WNK2: variants seen among roughly 807,000 people sequenced by gnomAD.
The protein encoded by WNK2 is serine/threonine-protein kinase WNK2.
Under a neutral mutation model 192.1 loss-of-function variants are expected in WNK2, and 67 were observed. The ratio of observed to expected loss-of-function variants is 0.35; its 90% CI spans 0.29 to 0.43. WNK2 has a LOEUF of 0.43. WNK2 is among the 20% of genes least tolerant of loss of function. The pLI, the probability that WNK2 is intolerant of heterozygous loss-of-function variation, is 1.00. For synonymous variants in WNK2, 1,439 were observed against 1,393.9 expected, an observed-to-expected ratio of 1.03 and a Z score of -0.72; for missense variants, 2,698 against 3,089.7, an observed-to-expected ratio of 0.87 and a Z score of 3.01.
At chr9:93,291,901 C>T (rs2133864539) in intron 21 of WNK2, among the ~76,000 whole-genome samples, 1 of 152,296 alleles carries the variant, frequency 6.6e-6, no homozygotes, top group African/African-American at 2.4e-5. Context: ...GTTTTTGAGA[C>T]ACCGTGGGAG....
In WNK2 at chr9:93,293,520, A is replaced by G. The variant is rs550712889; in HGVS notation, c.5708+347A>G. ...TTTTTAGTAGAGACGGGGTTTCACC[A>G]TGTTGGCCAGGCTGGTCTCAAACTC... On this transcript the variant is annotated intron_variant, in intron 23 of 29. Transcript: ENST00000427277. 7.2e-5 allele frequency among the ~76,000 whole-genome samples: 11 copies of G among 152,088 alleles called. No homozygotes were observed. In the South Asian group the frequency reaches 1.9e-3, roughly 26 times the overall value.
chr9:93,230,510 C>G (rs1384881644), intron 3 of WNK2, among the ~76,000 whole-genome samples: 2 of 152,182 alleles, frequency 1.3e-5, no homozygotes, highest in Non-Finnish European at 2.9e-5. Context: ...TCTCACAGGC[C>G]CTGGCCTTTC....
chr9:93,245,902 C>G (rs1281498689), intron 7 of WNK2, among the ~76,000 whole-genome samples: 1 of 152,192 alleles, frequency 6.6e-6, no homozygotes. Flanking sequence ...AGTTCCCTGC[C>G]AGGAGGGCCT....
At chr9:93,234,710 C>T in intron 4 of WNK2, 98 bp from the exon 5 acceptor site, 4 of 1,407,438 alleles carry the variant, frequency 2.8e-6, no homozygotes, top group Non-Finnish European at 3.9e-6. Flanking sequence ...GTGGAGGGGA[C>T]ATGGGGTTCT....
At chr9:93,214,575 G>A (rs1835353746) in intron 2 of WNK2, among the ~76,000 whole-genome samples, 1 of 151,776 alleles carries the variant, frequency 6.6e-6, no homozygotes, top group African/African-American at 2.4e-5. Context: ...AAGTGCTGGG[G>A]TTACAGGCAT....
intron 19 of WNK2, among the ~76,000 whole-genome samples, chr9:93,274,708 T>C (rs1846519908): frequency 6.6e-6 from 1 of 152,168 alleles, no homozygotes; most frequent in Non-Finnish European, 1.5e-5. Context: ...AAAATTCATC[T>C]AAGATAGAAT....
At chr9:93,249,969 A>G (rs1255495452) in intron 8 of WNK2, among the ~76,000 whole-genome samples, 2 of 125,548 alleles carry the variant, frequency 1.6e-5, no homozygotes, top group African/African-American at 6.2e-5. Flanking sequence ...GCTGGAGTGC[A>G]CTGGTGCGAT....
At chr9:93,305,535 C>G (rs1223723580) in intron 26 of WNK2, among the ~76,000 whole-genome samples, 1 of 152,232 alleles carries the variant, frequency 6.6e-6, no homozygotes, top group Non-Finnish European at 1.5e-5. Flanking sequence ...AAGTCTGCAA[C>G]AGAACACCAC....
At chr9:93,206,188 T>G (rs1348634517) in intron 2 of WNK2, among the ~76,000 whole-genome samples, 1 of 152,202 alleles carries the variant, frequency 6.6e-6, no homozygotes, top group Non-Finnish European at 1.5e-5. Flanking sequence ...GACAGTGTGA[T>G]CTGTCTGGAG....
rs1471656078 is a variant in WNK2, at chr9:93,308,473, G to A, written c.6405G>A (p.Lys2135=). Residue 2135 remains lysine, a synonymous_variant, in exon 28 of 30, where the codon AAG becomes AAA. Transcript: ENST00000427277. The part of the protein sequence containing the change: ...LHKLVDEWTS[K]TVGAAQLKPT... ...AGCTGGTGGACGAGTGGACGAGCAA[G>A]ACGGTGGGGGCCGCGCAGCTGAAGC... 5.0e-6 allele frequency: 8 copies of A among 1,609,954 alleles called. No homozygotes were observed. In the East Asian group the frequency reaches 6.7e-5, roughly 13 times the overall value.
Position 93,292,243 on chromosome 9 carries a change from G to A in WNK2, c.4937-65G>A, listed in dbSNP as rs528646822. ...GATCACTTTGGGCTGCTTCGGGTCA[G>A]CTGTGAGCCATCTCTGCCTCTTCCT... On this transcript the variant is annotated intron_variant, in intron 21 of 29. Transcript: ENST00000427277. 5.3e-5 allele frequency: 84 copies of A among 1,574,402 alleles called. No individual in the cohort carries two copies. The African/African-American group carries it at 1.1e-3, about 21-fold the overall frequency.
In WNK2 at chr9:93,259,452, G is replaced by GC; in HGVS notation, c.2909dup (p.Gln971AlafsTer33). The GC allele has an allele frequency of 6.9e-7, 1 of 1,449,434 alleles. No homozygotes were observed. Among genetic ancestry groups the GC allele is most frequent in the Non-Finnish European group, 9.1e-7 (1 of 1,103,360 alleles). 89.8% of individuals were successfully genotyped at this position (1,449,434 alleles called of 1,614,324 possible). On this transcript the variant is annotated frameshift_variant, in exon 12 of 30. Coordinates refer to ENST00000427277, the MANE Select transcript of WNK2 (RefSeq NM_006648.4). LOFTEE classifies it high-confidence loss of function. The surrounding 1 kb of genome is among the most constrained non-coding windows in gnomAD (Gnocchi z 4.8). The stretch of plus-strand genomic sequence containing the variant: ...CCACGCTGCCCCCTCAACCTGTGTT[G>GC]CCCCCGCAACCCACACGGCCCCCTC...
chr9:93,211,910 CCACT>C (rs1472020951), intron 2 of WNK2, among the ~76,000 whole-genome samples: 3 of 149,256 alleles, frequency 2.0e-5, no homozygotes, highest in African/African-American at 5.1e-5. Context: ...TCACTCCCAT[CCACT>C]CACTCACTCA....
chr9:93,254,391 G>T (rs999266020), intron 9 of WNK2, among the ~76,000 whole-genome samples: 1 of 152,220 alleles, frequency 6.6e-6, no homozygotes, highest in Non-Finnish European at 1.5e-5. Context: ...TCAGCGCTGT[G>T]GCCCGTCTTC....
intron 21 of WNK2, among the ~76,000 whole-genome samples, chr9:93,292,070 A>T (rs1276230610): frequency 1.3e-5 from 2 of 152,206 alleles, no homozygotes; most frequent in African/African-American, 4.8e-5. Context: ...TTTATTGGGC[A>T]TCTGTCATAG....
chr9:93,302,625 G>A (rs1851814367), intron 26 of WNK2, among the ~76,000 whole-genome samples: 1 of 152,220 alleles, frequency 6.6e-6, no homozygotes, highest in Non-Finnish European at 1.5e-5. Context: ...GGCAGGGTGG[G>A]TTGAGGCCAG....
chr9:93,248,298 A>G (rs1033857816), intron 8 of WNK2, among the ~76,000 whole-genome samples: 18 of 152,190 alleles, frequency 1.2e-4, no homozygotes, highest in African/African-American at 4.3e-4. Flanking sequence ...CTTTCTCAGC[A>G]TTTCCCGGTG....
At chr9:93,191,236 G>A (rs998826339) in intron 2 of WNK2, among the ~76,000 whole-genome samples, 3 of 152,144 alleles carry the variant, frequency 2.0e-5, no homozygotes, top group Admixed American at 1.3e-4. Context: ...CTGAGGTTGC[G>A]TAAAGCTTTA....
At chr9:93,250,532 A>G (rs1842438330) in intron 8 of WNK2, among the ~76,000 whole-genome samples, 1 of 152,230 alleles carries the variant, frequency 6.6e-6, no homozygotes. Context: ...CCATAATCCA[A>G]GAAGAACCTG....
Sources: gnomAD v4.1 joint callset for allele counts (sites outside exome capture counted in the v4.1 genomes callset) on GRCh38, gnomAD v4.1.1 for gene constraint, Gnocchi (gnomAD v3.1) non-coding constraint, MANE v1.5 for transcripts, NCBI Gene and HGNC (gene_info 2026-07-23, HGNC 2026-07-21) for gene names.